Variants in DSCAM observed in about 807,000 individuals in gnomAD.
DSCAM encodes the protein cell adhesion molecule DSCAM.
Under a neutral mutation model 217.7 loss-of-function variants are expected in DSCAM, and 47 were observed. The observed-to-expected ratio is 0.22, with a 90% CI of 0.17 to 0.28. The LOEUF is 0.28. DSCAM is among the 10% of genes least tolerant of loss of function. The probability of loss-of-function intolerance (pLI) is 1.00; values close to 1 mark genes in which losing one functional copy is unlikely to be tolerated. For missense variants in DSCAM, 2,080 were observed against 2,618.3 expected (o/e 0.79, Z 4.49); for synonymous variants, 1,056 against 1,015.3 (o/e 1.04, Z -0.76).
rs545597688 is a variant in DSCAM, at chr21:40,715,317, A to T, written c.44-6546T>A. Among the ~76,000 whole-genome samples, 27 of 152,354 alleles carry T rather than the reference A, an allele frequency of 1.8e-4. 1 individual carries two copies. In the South Asian group the frequency reaches 5.6e-3, roughly 32 times the overall value. On this transcript the variant is annotated intron_variant, in intron 1 of 32. Coordinates refer to ENST00000400454, the MANE Select transcript of DSCAM (RefSeq NM_001389.5). ...CCATGAGATTTAGCATCCTCCAGGT[A>T]TCTTACTTGAAACATCCATCGTTTT...
chr21:40,408,680 C>T (rs1416315273), intron 3 of DSCAM, among the ~76,000 whole-genome samples: 1 of 152,096 alleles, frequency 6.6e-6, no homozygotes, highest in East Asian at 1.9e-4. Flanking sequence ...TGTTGATGTG[C>T]CCTCCATTTT....
chr21:40,547,347 C>G (rs1042847564), intron 3 of DSCAM, among the ~76,000 whole-genome samples: 1 of 152,102 alleles, frequency 6.6e-6, no homozygotes, highest in Non-Finnish European at 1.5e-5. Context: ...TCAAATCAGC[C>G]CAGAAGCCAC....
intron 1 of DSCAM, among the ~76,000 whole-genome samples, chr21:40,725,675 G>A (rs1012725722): frequency 1.3e-5 from 2 of 152,130 alleles, no homozygotes; most frequent in Non-Finnish European, 2.9e-5. Flanking sequence ...CCTCTGTGGA[G>A]GTGGAAAAAG....
chr21:40,317,021 A>G (rs1328984212), intron 8 of DSCAM, among the ~76,000 whole-genome samples: 1 of 152,112 alleles, frequency 6.6e-6, no homozygotes, highest in Non-Finnish European at 1.5e-5. Context: ...CTGCGATTCT[A>G]TCTCTTCATG....
chr21:40,097,560 A>C lies in DSCAM; in HGVS notation c.3697-3686T>G, dbSNP rs73221379. 3.9e-3 allele frequency among the ~76,000 whole-genome samples: 598 copies of C among 152,306 alleles called. 5 individuals carry two copies. The highest frequency in any genetic ancestry group is 4.0e-3 in the Non-Finnish European group (275 of 68,028). On this transcript the variant is annotated intron_variant, in intron 20 of 32. Coordinates refer to ENST00000400454, the MANE Select transcript of DSCAM (RefSeq NM_001389.5). Reference sequence around the variant, plus strand: ...ACATAAACATAGTAATAATAATTTTAAGTATAAATGATCTAAATATATTAA... The same window carrying C: ...ACATAAACATAGTAATAATAATTTTCAGTATAAATGATCTAAATATATTAA...
At chr21:40,543,675 G>T (rs1452872704) in intron 3 of DSCAM, among the ~76,000 whole-genome samples, 2 of 152,030 alleles carry the variant, frequency 1.3e-5, no homozygotes, top group Non-Finnish European at 2.9e-5. Flanking sequence ...TGTCTACTTG[G>T]TATCAGTCTT....
chr21:40,358,374 C>A (rs1601583524), intron 4 of DSCAM, among the ~76,000 whole-genome samples: 2 of 152,070 alleles, frequency 1.3e-5, no homozygotes, highest in Non-Finnish European at 2.9e-5. Flanking sequence ...TGGATTATGG[C>A]CTAAATATAA....
chr21:40,528,332 T>C (rs1321192525), intron 3 of DSCAM, among the ~76,000 whole-genome samples: 4 of 152,202 alleles, frequency 2.6e-5, no homozygotes, highest in East Asian at 1.9e-4. Flanking sequence ...CTCTGAGAAC[T>C]TGGCCTCCAG....
intron 11 of DSCAM, among the ~76,000 whole-genome samples, chr21:40,209,384 C>A (rs1051960396): frequency 2.8e-4 from 42 of 152,188 alleles, no homozygotes; most frequent in African/African-American, 9.9e-4. Flanking sequence ...GCGATGCCTG[C>A]ACACACAAGA....
intron 32 of DSCAM, among the ~76,000 whole-genome samples, chr21:40,033,892 T>G (rs12483019): frequency 0.16 from 21,097 of 130,678 alleles, 1,719 homozygotes; most frequent in Middle Eastern, 0.22. Flanking sequence ...GCAGCCTAAC[T>G]GGGAGGCACC....
chr21:40,293,213 G>A (rs565509502), intron 10 of DSCAM, among the ~76,000 whole-genome samples: 5 of 152,118 alleles, frequency 3.3e-5, no homozygotes, highest in Admixed American at 6.5e-5. Context: ...CCCGGCCAGC[G>A]ATCCAGAGAG....
intron 3 of DSCAM, among the ~76,000 whole-genome samples, chr21:40,648,885 T>C (rs1451655139): frequency 2.0e-5 from 3 of 152,128 alleles, no homozygotes; most frequent in Admixed American, 6.5e-5. Flanking sequence ...TGTATCCTCA[T>C]TCTTCTTGGA....
intron 3 of DSCAM, among the ~76,000 whole-genome samples, chr21:40,503,694 G>A (rs938416159): frequency 2.6e-5 from 4 of 152,194 alleles, no homozygotes; most frequent in East Asian, 1.9e-4. Flanking sequence ...ATTAACATTC[G>A]TCTCTTTAAT....
At chr21:40,773,603 T>C (rs571569490) in intron 1 of DSCAM, among the ~76,000 whole-genome samples, 1 of 152,316 alleles carries the variant, frequency 6.6e-6, no homozygotes, top group South Asian at 2.1e-4. Context: ...GAAACACTGT[T>C]CAACCCACTA....
intron 1 of DSCAM, among the ~76,000 whole-genome samples, chr21:40,803,454 A>G (rs2091759762): frequency 6.6e-6 from 1 of 152,190 alleles, no homozygotes; most frequent in South Asian, 2.1e-4. Flanking sequence ...AGCAAAACAC[A>G]AAATGTTCAT....
At chr21:40,542,862 T>A (rs2076552534) in intron 3 of DSCAM, among the ~76,000 whole-genome samples, 1 of 152,136 alleles carries the variant, frequency 6.6e-6, no homozygotes, top group Non-Finnish European at 1.5e-5. Flanking sequence ...ACTCCAGGTC[T>A]TCCTAGTCCA....
chr21:40,780,158 T>C (rs2091526659), intron 1 of DSCAM, among the ~76,000 whole-genome samples: 2 of 152,114 alleles, frequency 1.3e-5, no homozygotes, highest in South Asian at 2.1e-4. Flanking sequence ...TGCTTGTAAA[T>C]AGCAGAATCT....
At chr21:40,035,631 C>T (rs1170986502) in intron 32 of DSCAM, among the ~76,000 whole-genome samples, 1 of 147,682 alleles carries the variant, frequency 6.8e-6, no homozygotes, top group Non-Finnish European at 1.5e-5. Flanking sequence ...ACAAGGATAC[C>T]CAGGAATTGA....
chr21:40,625,760 C>T (rs893445711), intron 3 of DSCAM, among the ~76,000 whole-genome samples: 8 of 152,114 alleles, frequency 5.3e-5, no homozygotes, highest in Non-Finnish European at 8.8e-5. Flanking sequence ...TGTATCTCAT[C>T]TTTACAAAAA....
Sources: gnomAD v4.1 joint callset for allele counts (sites outside exome capture counted in the v4.1 genomes callset) on GRCh38, gnomAD v4.1.1 for gene constraint, MANE v1.5 for transcripts, NCBI Gene and HGNC (gene_info 2026-07-23, HGNC 2026-07-21) for gene names.